Variants in DOCK8 observed in about 807,000 individuals in gnomAD.
The protein encoded by DOCK8 is dedicator of cytokinesis protein 8.
In DOCK8, 141 loss-of-function variants were observed where a neutral mutation model predicts 245.6. That is an observed-to-expected ratio of 0.57 (90% confidence interval 0.50 to 0.66). The LOEUF is 0.66. Among genes scored for constraint, DOCK8 ranks in the 30% least tolerant of loss-of-function variants. DOCK8 has a pLI of 0.00. For missense variants in DOCK8, 2,965 were observed against 2,603.4 expected, an observed-to-expected ratio of 1.14 and a Z score of -3.02; for synonymous variants, 1,168 against 970.2, an observed-to-expected ratio of 1.20 and a Z score of -3.79.
chr9:212,121 G>A (rs2046628406), upstream of DOCK8, among the ~76,000 whole-genome samples: 1 of 152,044 alleles, frequency 6.6e-6, no homozygotes. Context: ...AGGTATGTGT[G>A]GGGGGGTTAA....
chr9:386,765 T>A (rs10814599), intron 23 of DOCK8, among the ~76,000 whole-genome samples: 32,119 of 152,250 alleles, frequency 0.21, 3,822 homozygotes, highest in Middle Eastern at 0.28. Flanking sequence ...TCCCAGCTGA[T>A]GCTGGTCCAG....
chr9:274,408 G>C (rs1235832383), intron 2 of DOCK8, among the ~76,000 whole-genome samples: 1 of 151,180 alleles, frequency 6.6e-6, no homozygotes, highest in Non-Finnish European at 1.5e-5. Flanking sequence ...TCAGTATATG[G>C]CTCTTGTTCC....
At chr9:272,986 T>G in intron 2 of DOCK8, 1 of 966,644 alleles carries the variant, frequency 1.0e-6, no homozygotes, top group Non-Finnish European at 1.2e-6. Context: ...TTCTACTTAT[T>G]ACTTCGAAAC....
intron 39 of DOCK8, among the ~76,000 whole-genome samples, chr9:436,656 G>C (rs2056913781): frequency 6.6e-6 from 1 of 152,084 alleles, no homozygotes; most frequent in South Asian, 2.1e-4. Context: ...ATAATGACAT[G>C]CCAAAGTGAA....
At chr9:287,343 G>C (rs950517120) in intron 3 of DOCK8, among the ~76,000 whole-genome samples, 1 of 152,076 alleles carries the variant, frequency 6.6e-6, no homozygotes, top group Non-Finnish European at 1.5e-5. Context: ...TGAAACGCCT[G>C]TTGCTTCTAA....
chr9:312,257 G>C, intron 6 of DOCK8, 91 bp downstream of exon 6: 1 of 1,452,296 alleles, frequency 6.9e-7, no homozygotes, highest in Non-Finnish European at 9.5e-7. Flanking sequence ...CTATATAGCA[G>C]CCCATGGTGT....
intron 26 of DOCK8, among the ~76,000 whole-genome samples, chr9:401,025 C>G (rs1564017319): frequency 7.1e-6 from 1 of 140,410 alleles, no homozygotes; most frequent in Non-Finnish European, 1.6e-5. Context: ...ATGACCACCT[C>G]CTTCACCTCC....
chr9:454,021 T>C (rs1344127573), intron 46 of DOCK8, among the ~76,000 whole-genome samples: 1 of 152,184 alleles, frequency 6.6e-6, no homozygotes, highest in Non-Finnish European at 1.5e-5. Context: ...GGCTGAATAA[T>C]AGAATGCAGC....
At position 250,795 on chromosome 9, in the gene DOCK8, A is replaced by G. The variant is rs149026096; in HGVS notation, c.54-20832A>G. Among the ~76,000 whole-genome samples the G allele has an allele frequency of 3.9e-5, 6 of 152,342 alleles. No homozygotes were observed. In the East Asian group the frequency reaches 9.6e-4, roughly 24 times the overall value. On this transcript the variant is annotated intron_variant, in intron 1 of 47. Coordinates refer to ENST00000432829, the MANE Select transcript of DOCK8 (RefSeq NM_203447.4). ...TGATGCAGCCGAAAGATCACATTAAAACAGGACAGGAAGGAAGTCCTGGCT... is the reference window on the plus strand; with the variant it reads ...TGATGCAGCCGAAAGATCACATTAAGACAGGACAGGAAGGAAGTCCTGGCT...
intron 43 of DOCK8, among the ~76,000 whole-genome samples, chr9:445,050 C>G (rs2057208927): frequency 6.6e-6 from 1 of 152,216 alleles, no homozygotes; most frequent in African/African-American, 2.4e-5. Context: ...GTTTGTTTTT[C>G]TACATTTTTC....
chr9:222,881 C>T (rs2046916000), intron 1 of DOCK8, among the ~76,000 whole-genome samples: 1 of 152,212 alleles, frequency 6.6e-6, no homozygotes, highest in South Asian at 2.1e-4. Context: ...AATCTACCTC[C>T]TCCTTTGGGT....
chr9:304,494 C>G (rs992280973), intron 4 of DOCK8, 87 bp from the exon 5 acceptor site: 1 of 1,563,698 alleles, frequency 6.4e-7, no homozygotes, highest in East Asian at 2.2e-5. Flanking sequence ...CATGTCTACA[C>G]TTAAGCCATT....
chr9:270,001 G>A (rs966850074), intron 1 of DOCK8, among the ~76,000 whole-genome samples: 1 of 152,150 alleles, frequency 6.6e-6, no homozygotes, highest in East Asian at 1.9e-4. Context: ...AACAGCATAT[G>A]CGTGCTCCAG....
In DOCK8 at chr9:443,767, C is replaced by A. The variant is rs2057164756; in HGVS notation, c.5580+251C>A. ...GGAACTGCATTAGGCCCTCTACATACATCATTTTATTTCATCCTGCAACGA... is the reference window on the plus strand; with the variant it reads ...GGAACTGCATTAGGCCCTCTACATAAATCATTTTATTTCATCCTGCAACGA... On this transcript the variant is annotated intron_variant, in intron 43 of 47. Transcript: ENST00000432829. Among the ~76,000 whole-genome samples the A allele has an allele frequency of 2.6e-5, 4 of 152,280 alleles. No homozygotes were observed. In the South Asian group the frequency reaches 8.3e-4, roughly 32 times the overall value.
intron 6 of DOCK8, chr9:314,413 G>A (rs1364055292): frequency 6.6e-6 from 1 of 152,192 alleles, no homozygotes; most frequent in Non-Finnish European, 1.5e-5. Context: ...TGTCTCCCTG[G>A]TGGTATTAGA....
chr9:341,410 A>G (rs951204654), intron 14 of DOCK8, among the ~76,000 whole-genome samples: 24 of 152,324 alleles, frequency 1.6e-4, no homozygotes, highest in African/African-American at 5.5e-4. Context: ...CCTTTAATGC[A>G]GAAAAGGATG....
intron 14 of DOCK8, among the ~76,000 whole-genome samples, chr9:341,148 G>GT (rs2130930219): frequency 6.6e-6 from 1 of 152,338 alleles, no homozygotes; most frequent in South Asian, 2.1e-4. Flanking sequence ...CATTTGAAAT[G>GT]TGGCCAGTGC....
chr9:418,887 CA>C (rs138918368), intron 30 of DOCK8, among the ~76,000 whole-genome samples: 30,836 of 150,574 alleles, frequency 0.2, 3,270 homozygotes, highest in African/African-American at 0.25. Flanking sequence ...GTAATGCCTC[CA>C]AAAAAAAAGA....
At chr9:311,509 AC>A (rs2050111373) in intron 5 of DOCK8, among the ~76,000 whole-genome samples, 2 of 149,288 alleles carry the variant, frequency 1.3e-5, no homozygotes, top group South Asian at 4.2e-4. Context: ...CACCTTGTCT[AC>A]CCAAGGACTG....
Sources: allele counts gnomAD v4.1 joint callset (sites outside exome capture counted in the v4.1 genomes callset), GRCh38; gene constraint gnomAD v4.1.1; transcripts MANE v1.5; gene names NCBI Gene and HGNC (gene_info 2026-07-23, HGNC 2026-07-21).